The following TMEM132D variants were observed in gnomAD, a reference collection of about 807,000 sequenced individuals.
TMEM132D encodes the protein mature OL transmembrane protein.
TMEM132D carries 21 observed loss-of-function variants against 62.3 expected under a neutral mutation model. The ratio of observed to expected loss-of-function variants is 0.34; its 90% CI spans 0.24 to 0.49. The LOEUF (loss-of-function observed/expected upper bound fraction) is 0.49, where lower values mean the gene tolerates loss of function less well. Ranked by LOEUF, TMEM132D falls within the 20% of genes least tolerant of loss-of-function variation. The probability of loss-of-function intolerance (pLI) is 0.99; values close to 1 mark genes in which losing one functional copy is unlikely to be tolerated. For synonymous variants in TMEM132D, 621 were observed against 575.6 expected (o/e 1.08, Z -1.13); for missense variants, 1,346 against 1,402.8 (o/e 0.96, Z 0.65).
chr12:129,216,310 T>C (rs951404632), intron 4 of TMEM132D, among the ~76,000 whole-genome samples: 17 of 152,190 alleles, frequency 1.1e-4, no homozygotes, highest in Non-Finnish European at 2.4e-4. Context: ...CCATGGTGTG[T>C]TGAGTACTAA....
intron 1 of TMEM132D, among the ~76,000 whole-genome samples, chr12:129,839,404 G>A (rs1425396628): frequency 6.7e-6 from 1 of 149,586 alleles, no homozygotes; most frequent in Non-Finnish European, 1.5e-5. Flanking sequence ...GGGATTACAG[G>A]TGTGAGCCAC....
At chr12:129,173,276 A>G (rs1014717906) in intron 5 of TMEM132D, among the ~76,000 whole-genome samples, 1 of 152,218 alleles carries the variant, frequency 6.6e-6, no homozygotes, top group Non-Finnish European at 1.5e-5. Context: ...TAAGATTAAT[A>G]AGCCTTGGAT....
intron 2 of TMEM132D, among the ~76,000 whole-genome samples, chr12:129,551,296 T>C (rs1207224052): frequency 6.6e-6 from 1 of 152,240 alleles, no homozygotes; most frequent in Admixed American, 6.5e-5. Context: ...TGCTTTGCTA[T>C]GCAGCGAGCA....
At chr12:129,121,693 A>G (rs1171457855) in intron 5 of TMEM132D, among the ~76,000 whole-genome samples, 1 of 152,182 alleles carries the variant, frequency 6.6e-6, no homozygotes, top group African/African-American at 2.4e-5. Context: ...AAACCAATAC[A>G]GTACTACACT....
intron 2 of TMEM132D, among the ~76,000 whole-genome samples, chr12:129,579,349 G>A (rs1283539220): frequency 6.6e-6 from 1 of 152,156 alleles, no homozygotes; most frequent in African/African-American, 2.4e-5. Context: ...AAACTAATCA[G>A]ATATACGTAT....
chr12:129,399,895 G>A (rs1451510179), intron 3 of TMEM132D, among the ~76,000 whole-genome samples: 3 of 150,584 alleles, frequency 2.0e-5, no homozygotes, highest in African/African-American at 5.0e-5. Context: ...GTGTGTGTGT[G>A]GGGGGGTATA....
chr12:129,171,953 A>T lies in TMEM132D; in HGVS notation c.1443+37567T>A, dbSNP rs548570572. On this transcript the variant is annotated intron_variant, in intron 5 of 8. Coordinates refer to ENST00000422113, the MANE Select transcript of TMEM132D (RefSeq NM_133448.3). ...TAGGTGCATTACTCCCTGACAAGAC[A>T]GTCAGCCTGTCCTTTGGAGCTCTGA... Among the ~76,000 whole-genome samples, 59 of 152,338 alleles carry T rather than the reference A, an allele frequency of 3.9e-4. 1 individual carries two copies. The highest frequency in any genetic ancestry group is 2.5e-3 in the Admixed American group (38 of 15,300).
At chr12:129,475,881 G>C (rs1874241791) in intron 3 of TMEM132D, among the ~76,000 whole-genome samples, 1 of 152,204 alleles carries the variant, frequency 6.6e-6, no homozygotes, top group African/African-American at 2.4e-5. Flanking sequence ...AATACAATCT[G>C]ACCTCGATTT....
intron 4 of TMEM132D, among the ~76,000 whole-genome samples, chr12:129,250,368 T>G (rs567558837): frequency 6.6e-6 from 1 of 152,350 alleles, no homozygotes; most frequent in Admixed American, 6.5e-5. Flanking sequence ...TTATCTATTT[T>G]ATTGCTCAAT....
intron 4 of TMEM132D, among the ~76,000 whole-genome samples, chr12:129,274,181 T>C (rs1187654841): frequency 6.6e-6 from 1 of 151,882 alleles, no homozygotes; most frequent in African/African-American, 2.4e-5. Flanking sequence ...GGAGAGTCTC[T>C]GTTCCCCCTG....
intron 4 of TMEM132D, among the ~76,000 whole-genome samples, chr12:129,230,308 G>GGGT (rs150963704): frequency 8.7e-5 from 8 of 91,566 alleles, no homozygotes; most frequent in Middle Eastern, 5.3e-3. Context: ...CTGTGTTGGA[G>GGGT]GGGGGGGGCT....
At chr12:129,740,303 T>C (rs982897413) in intron 1 of TMEM132D, among the ~76,000 whole-genome samples, 2 of 152,224 alleles carry the variant, frequency 1.3e-5, no homozygotes, top group Non-Finnish European at 2.9e-5. Flanking sequence ...GACTTGAAGA[T>C]AGTCAGGTCT....
chr12:129,324,022 G>A (rs1329311454), intron 4 of TMEM132D, among the ~76,000 whole-genome samples: 1 of 151,924 alleles, frequency 6.6e-6, no homozygotes, highest in African/African-American at 2.4e-5. Context: ...TTTTTTGGCT[G>A]AGGATTTTCT....
In TMEM132D at chr12:129,274,657, C is replaced by T. The variant is rs528380172; in HGVS notation, c.1299+62977G>A. On this transcript the variant is annotated intron_variant, in intron 4 of 8. Transcript: ENST00000422113. The stretch of plus-strand genomic sequence containing the variant: ...ATCCCAGCACTTTGGGAGTCTGAGG[C>T]GGGCGGATCACAAGGTCAGGAGATC... 7.9e-5 allele frequency among the ~76,000 whole-genome samples: 12 copies of T among 152,256 alleles called. No individual in the cohort carries two copies. The South Asian group carries it at 2.3e-3, about 29-fold the overall frequency.
At chr12:129,536,779 A>T (rs10773680) in intron 2 of TMEM132D, among the ~76,000 whole-genome samples, 21 of 152,034 alleles carry the variant, frequency 1.4e-4, no homozygotes, top group Admixed American at 1.3e-3. Flanking sequence ...CCAACAGTGA[A>T]GCAGAAGAAA....
At chr12:129,190,571 CAGATGGAGGGAGGGGGTCTGGGGCCTGT>C (rs1878366318) in intron 5 of TMEM132D, among the ~76,000 whole-genome samples, 3 of 120,988 alleles carry the variant, frequency 2.5e-5, no homozygotes, top group Non-Finnish European at 3.5e-5. Flanking sequence ...TGGGGGCCTG[CAGATGGAGGGAGGGGGTCTGGGGCCTGT>C]AGATGGAGGG....
At chr12:129,158,293 G>A (rs1212576142) in intron 5 of TMEM132D, among the ~76,000 whole-genome samples, 1 of 152,176 alleles carries the variant, frequency 6.6e-6, no homozygotes, top group Non-Finnish European at 1.5e-5. Flanking sequence ...ATGCTTTGCA[G>A]GGGAGAGGAG....
chr12:129,465,218 A>G (rs1873844437), intron 3 of TMEM132D, among the ~76,000 whole-genome samples: 1 of 152,120 alleles, frequency 6.6e-6, no homozygotes, highest in Non-Finnish European at 1.5e-5. Context: ...TAAGTATTTT[A>G]TTCTCTTTGA....
At chr12:129,502,085 C>T (rs1222269467) in intron 3 of TMEM132D, among the ~76,000 whole-genome samples, 6 of 151,996 alleles carry the variant, frequency 3.9e-5, no homozygotes, top group Non-Finnish European at 8.8e-5. Context: ...CTGCAACCTC[C>T]GCCTCCCGGG....
Sources: allele counts gnomAD v4.1 joint callset (sites outside exome capture counted in the v4.1 genomes callset), GRCh38; gene constraint gnomAD v4.1.1; transcripts MANE v1.5; gene names NCBI Gene and HGNC (gene_info 2026-07-23, HGNC 2026-07-21).